The following EPB41 variants were observed in gnomAD, a reference collection of about 807,000 sequenced individuals.
The protein encoded by EPB41 is erythrocyte membrane protein band 4.1.
In EPB41, 65 loss-of-function variants were observed where a neutral mutation model predicts 108.0. The ratio of observed to expected loss-of-function variants is 0.60; its 90% CI spans 0.49 to 0.74. The LOEUF (loss-of-function observed/expected upper bound fraction) is 0.74. Ranked by LOEUF, EPB41 falls within the 30% of genes least tolerant of loss-of-function variation. The pLI is 0.00. For missense variants in EPB41, 875 were observed against 1,037.0 expected, an observed-to-expected ratio of 0.84 and a Z score of 2.15; for synonymous variants, 336 against 358.9, an observed-to-expected ratio of 0.94 and a Z score of 0.72.
chr1:28,988,403 A>G (rs998270717), intron 2 of EPB41, among the ~76,000 whole-genome samples: 4 of 152,094 alleles, frequency 2.6e-5, no homozygotes, highest in Admixed American at 6.5e-5. Context: ...TCTGTCACCC[A>G]GGCTGGAGTG....
At chr1:28,916,578 A>G (rs1163962205) in intron 1 of EPB41, among the ~76,000 whole-genome samples, 1 of 152,204 alleles carries the variant, frequency 6.6e-6, no homozygotes, top group East Asian at 1.9e-4. Flanking sequence ...CGGAGGTTGC[A>G]GTGAGCCGAG....
chr1:29,034,414 T>C (rs1040153417), intron 9 of EPB41, among the ~76,000 whole-genome samples: 4 of 152,186 alleles, frequency 2.6e-5, no homozygotes, highest in Non-Finnish European at 5.9e-5. Context: ...GTGGCAGCAG[T>C]AGATGATTTA....
At position 29,035,855 on chromosome 1, in the gene EPB41, C is replaced by T. The variant is rs767012665; in HGVS notation, c.1395C>T (p.Phe465=). 2 of 1,614,022 alleles carry T rather than the reference C, an allele frequency of 1.2e-6. No homozygotes were observed. Among genetic ancestry groups the T allele is most frequent in the South Asian group, 1.1e-5 (1 of 91,078 alleles). The change falls in exon 10 of 21, where the codon TTC becomes TTT. Residue 465 remains phenylalanine, a synonymous_variant. Coordinates refer to ENST00000343067, the MANE Select transcript of EPB41 (RefSeq NM_001376013.1). ...AGCAGTATGAAAGTACCATCGGATT[C>T]AAACTTCCCAGTTACCGAGCAGCTA... ...EQEQYESTIG[F]KLPSYRAAKK...
intron 16 of EPB41, among the ~76,000 whole-genome samples, chr1:29,094,087 C>G (rs891844598): frequency 6.6e-6 from 1 of 151,996 alleles, no homozygotes; most frequent in Non-Finnish European, 1.5e-5. Context: ...GTCAGTTATC[C>G]CAGCACCATT....
intron 19 of EPB41, among the ~76,000 whole-genome samples, chr1:29,113,951 T>G (rs1390424141): frequency 6.6e-6 from 1 of 152,066 alleles, no homozygotes; most frequent in African/African-American, 2.4e-5. Context: ...AAGAGAAGAC[T>G]TGAGCTGGGC....
At chr1:29,110,147 G>T (rs1446733260) in intron 18 of EPB41, among the ~76,000 whole-genome samples, 1 of 150,212 alleles carries the variant, frequency 6.7e-6, no homozygotes. Flanking sequence ...ATTAGCCTTG[G>T]CAACATAGTG....
chr1:29,112,201 A>G (rs546379007), intron 18 of EPB41, among the ~76,000 whole-genome samples, 167 bp from the exon 19 acceptor site: 2 of 152,048 alleles, frequency 1.3e-5, no homozygotes, highest in South Asian at 4.2e-4. Flanking sequence ...AGGTCTCATT[A>G]TGTTGCCCAG....
At chr1:29,061,568 C>CTTTTTTTTTTTT in intron 15 of EPB41, among the ~76,000 whole-genome samples, 1 of 89,908 alleles carries the variant, frequency 1.1e-5, no homozygotes. Context: ...TGCGCCTGGC[C>CTTTTTTTTTTTT]TTTGTTTTTT....
At chr1:28,978,022 T>C (rs902678092) in intron 1 of EPB41, among the ~76,000 whole-genome samples, 4 of 151,500 alleles carry the variant, frequency 2.6e-5, no homozygotes, top group Admixed American at 6.6e-5. Flanking sequence ...TTTTCTTGTA[T>C]AGACTGAGTT....
At chr1:29,046,640 G>C (rs991620949) in intron 11 of EPB41, among the ~76,000 whole-genome samples, 3 of 151,974 alleles carry the variant, frequency 2.0e-5, no homozygotes, top group African/African-American at 7.3e-5. Flanking sequence ...CAATTTTAGG[G>C]CAAAAGCTTC....
At chr1:28,945,447 G>C (rs1255842951) in intron 1 of EPB41, among the ~76,000 whole-genome samples, 9 of 152,118 alleles carry the variant, frequency 5.9e-5, no homozygotes, top group Non-Finnish European at 1.5e-5. Context: ...CTTGGTATCT[G>C]TAGTTGAGAG....
chr1:28,978,708 G>C (rs1460909086), intron 1 of EPB41, among the ~76,000 whole-genome samples: 4 of 151,280 alleles, frequency 2.6e-5, no homozygotes, highest in Non-Finnish European at 5.9e-5. Context: ...AAATTGGCTG[G>C]GGGGCCCGGA....
rs1053060802 is a variant in EPB41 at position 29,119,483 on chromosome 1, CAT to C, written c.*2672_*2673del. ...AGAAATAAAGATTTCCTCCAAGCCA[CAT>C]GAGGACTCTGGCACCCACCCACAAA... On this transcript the variant is annotated 3_prime_UTR_variant, in exon 21 of 21. Transcript: ENST00000343067. 28 of 152,370 alleles carry C rather than the reference CAT, an allele frequency of 1.8e-4. No individual in the cohort carries two copies. Among genetic ancestry groups the C allele is most frequent in the African/African-American group, 6.5e-4 (27 of 41,462 alleles). The allele number at this position is 152,370 out of a possible 1,614,324, so 9.4% of individuals were successfully genotyped here. A position where few individuals can be genotyped will look rare whatever the true frequency, so the allele number is the denominator to read the frequency against.
rs1293155695 is a variant in EPB41 at position 29,112,440 on chromosome 1, C to T, written c.2488C>T (p.His830Tyr). The change falls in exon 19 of 21, where the codon CAT becomes TAT. Residue 830 changes from histidine (H) to tyrosine (Y), a missense_variant. His to Tyr is a moderately conservative substitution (Grantham distance 83, BLOSUM62 2). Coordinates refer to ENST00000343067, the MANE Select transcript of EPB41 (RefSeq NM_001376013.1). ...IVITGDADID[H>Y]DQVLVQAIKE... Reference sequence around the variant, plus strand: ...GATCACAGGAGATGCTGATATTGACCATGATCAGGTGGGAATGTTGAAGAG... The same window carrying T: ...GATCACAGGAGATGCTGATATTGACTATGATCAGGTGGGAATGTTGAAGAG... 2 of 1,613,472 alleles carry T rather than the reference C, an allele frequency of 1.2e-6. No individual in the cohort carries two copies. The highest frequency in any genetic ancestry group is 2.7e-5 in the African/African-American group (2 of 74,842).
chr1:28,956,244 CT>C (rs1209449807), intron 1 of EPB41, among the ~76,000 whole-genome samples: 1 of 152,144 alleles, frequency 6.6e-6, no homozygotes, highest in Non-Finnish European at 1.5e-5. Context: ...GTAGGCTGTT[CT>C]TTATTAGAAA....
At chr1:28,907,215 C>T (rs545645075) in intron 1 of EPB41, among the ~76,000 whole-genome samples, 150 of 151,898 alleles carry the variant, frequency 9.9e-4, no homozygotes, top group African/African-American at 3.0e-3. Context: ...CAGGTGCCCG[C>T]GACCACACCC....
chr1:28,970,781 T>C (rs2095474556), intron 1 of EPB41, among the ~76,000 whole-genome samples: 1 of 152,252 alleles, frequency 6.6e-6, no homozygotes, highest in Non-Finnish European at 1.5e-5. Context: ...GAGCTAGAAG[T>C]GATTTCATAA....
intron 1 of EPB41, among the ~76,000 whole-genome samples, chr1:28,951,855 G>T (rs1436772299): frequency 6.6e-6 from 1 of 152,098 alleles, no homozygotes; most frequent in South Asian, 2.1e-4. Context: ...TGCAGCCTGG[G>T]AATGACGGAG....
At chr1:28,921,839 C>T (rs1254885175) in intron 1 of EPB41, among the ~76,000 whole-genome samples, 6 of 150,448 alleles carry the variant, frequency 4.0e-5, no homozygotes, top group African/African-American at 1.5e-4. Flanking sequence ...ATCCTCAACA[C>T]TTGAAATAAC....
Sources: allele counts gnomAD v4.1 joint callset (sites outside exome capture counted in the v4.1 genomes callset), GRCh38; gene constraint gnomAD v4.1.1; transcripts MANE v1.5; gene names NCBI Gene and HGNC (gene_info 2026-07-23, HGNC 2026-07-21).